HS3ST2: variants seen among roughly 807,000 people sequenced by gnomAD.
The protein encoded by HS3ST2 is heparan sulfate glucosamine 3-O-sulfotransferase 2.
In HS3ST2, 17 loss-of-function variants were observed where a neutral mutation model predicts 26.3. The observed-to-expected ratio is 0.65, with a 90% confidence interval of 0.44 to 0.97. The LOEUF (loss-of-function observed/expected upper bound fraction) is 0.97, where lower values mean the gene tolerates loss of function less well. HS3ST2 is among the 50% of genes least tolerant of loss of function. The probability of loss-of-function intolerance (pLI) is 0.00; values close to 1 mark genes in which losing one functional copy is unlikely to be tolerated. For missense variants in HS3ST2, 402 were observed against 501.2 expected (o/e 0.80, Z 1.89); for synonymous variants, 237 against 219.2 (o/e 1.08, Z -0.72).
At chr16:22,819,134 T>TCCCTCCTTCCTTCCTCCCTC (rs1900950165) in intron 1 of HS3ST2, among the ~76,000 whole-genome samples, 1 of 37,072 alleles carries the variant, frequency 2.7e-5, no homozygotes, top group Non-Finnish European at 5.0e-5. Flanking sequence ...CTTCCTTCAT[T>TCCCTCCTTCCTTCCTCCCTC]CCTTCCTTCC....
At chr16:22,912,854 C>G (rs1048091243) in intron 1 of HS3ST2, among the ~76,000 whole-genome samples, 1 of 151,894 alleles carries the variant, frequency 6.6e-6, no homozygotes, top group Non-Finnish European at 1.5e-5. Context: ...CACAGGTGGG[C>G]GTGTCTTGTG....
At chr16:22,847,690 T>C (rs1901457174) in intron 1 of HS3ST2, among the ~76,000 whole-genome samples, 1 of 151,052 alleles carries the variant, frequency 6.6e-6, no homozygotes, top group East Asian at 1.9e-4. Context: ...GCGAAGGGCA[T>C]ACATGATAAG....
chr16:22,915,376 C>A lies in HS3ST2; in HGVS notation c.918C>A (p.Asn306Lys). The A allele has an allele frequency of 1.2e-6, 2 of 1,613,988 alleles. No homozygotes were observed. The highest frequency in any genetic ancestry group is 8.5e-7 in the Non-Finnish European group (1 of 1,179,972). Residue 306 changes from asparagine (N) to lysine (K), a missense_variant, in exon 2 of 2, where the codon AAC becomes AAA. Asn to Lys is a moderately conservative substitution (Grantham distance 94). Around this residue, in one of 2 missense-constraint regions of HS3ST2, gnomAD observed 237 missense variants for 346.6 expected, o/e 0.68. Transcript: ENST00000261374. The stretch of plus-strand genomic sequence containing the variant: ...TCACGGACAAGCACTTCTATTTCAA[C>A]AAGACCAAAGGATTCCCTTGCTTGA... ...RFITDKHFYF[N>K]KTKGFPCLKK...
At position 22,851,897 on chromosome 16, in the gene HS3ST2, TG is replaced by T. The variant is rs1901523808; in HGVS notation, c.485+36806del. The stretch of plus-strand genomic sequence containing the variant: ...TGACCAGACATTTGAAATGTGCTTA[TG>T]GGGTTGTCCTTCTGCAGTCACCTAT... On this transcript the variant is annotated intron_variant, in intron 1 of 1. Coordinates refer to ENST00000261374, the MANE Select transcript of HS3ST2 (RefSeq NM_006043.2). Among the ~76,000 whole-genome samples the T allele has an allele frequency of 5.9e-5, 9 of 152,286 alleles. No homozygotes were observed. In the South Asian group the frequency reaches 1.9e-3, roughly 32 times the overall value.
At chr16:22,859,702 A>G (rs1901648747) in intron 1 of HS3ST2, among the ~76,000 whole-genome samples, 1 of 152,206 alleles carries the variant, frequency 6.6e-6, no homozygotes, top group African/African-American at 2.4e-5. Flanking sequence ...AAATTCCAGC[A>G]ATCTATAATC....
intron 1 of HS3ST2, among the ~76,000 whole-genome samples, chr16:22,848,915 C>A (rs1245235788): frequency 2.0e-5 from 3 of 152,186 alleles, no homozygotes; most frequent in Non-Finnish European, 4.4e-5. Flanking sequence ...GTTATACCCG[C>A]CTTACAATTA....
At chr16:22,866,135 G>T (rs1446050316) in intron 1 of HS3ST2, among the ~76,000 whole-genome samples, 1 of 152,102 alleles carries the variant, frequency 6.6e-6, no homozygotes, top group East Asian at 1.9e-4. Context: ...GTTCTGGAAG[G>T]TATAGCCAAT....
intron 1 of HS3ST2, among the ~76,000 whole-genome samples, chr16:22,889,278 A>G (rs1406890426): frequency 1.1e-4 from 16 of 152,228 alleles, no homozygotes; most frequent in Admixed American, 1.0e-3. Context: ...ATCAAAATCG[A>G]ACTTATTTGA....
chr16:22,905,783 A>G (rs1902343660), intron 1 of HS3ST2, among the ~76,000 whole-genome samples: 1 of 152,180 alleles, frequency 6.6e-6, no homozygotes. Flanking sequence ...TTAGGTAGTA[A>G]TGAGTGTGCC....
rs758544841 is a variant in HS3ST2, at chr16:22,915,413, T to G, written c.955T>G (p.Ser319Ala). The change falls in exon 2 of 2, where the codon TCG (serine) becomes GCG (alanine). Residue 319 changes from serine (S) to alanine (A), a missense_variant. This residue lies in a region of HS3ST2 where 237 missense variants were observed against 346.6 expected (regional missense o/e 0.68). Transcript: ENST00000261374. ...KGFPCLKKTE[S>A]SLLPRCLGKS... ...ATTCCCTTGCTTGAAAAAAACAGAA[T>G]CGAGCCTCCTGCCTCGATGCTTGGG... 8.7e-6 allele frequency: 14 copies of G among 1,613,944 alleles called. No homozygotes were observed. Among genetic ancestry groups the G allele is most frequent in the Non-Finnish European group, 1.2e-5 (14 of 1,179,970 alleles).
intron 1 of HS3ST2, among the ~76,000 whole-genome samples, chr16:22,890,316 T>C (rs1367854059): frequency 6.6e-6 from 1 of 152,232 alleles, no homozygotes; most frequent in South Asian, 2.1e-4. Flanking sequence ...TTTTTTTCTC[T>C]TTGAAACCAT....
intron 1 of HS3ST2, chr16:22,833,299 G>A (rs745675097): frequency 2.2e-6 from 1 of 456,092 alleles, no homozygotes; most frequent in South Asian, 1.5e-5. Context: ...TACCTGTGTG[G>A]TTGTCGGTGC....
At chr16:22,835,750 G>T (rs538364554) in intron 1 of HS3ST2, among the ~76,000 whole-genome samples, 1 of 152,206 alleles carries the variant, frequency 6.6e-6, no homozygotes, top group African/African-American at 2.4e-5. Context: ...TTTCAAAACG[G>T]CAGTTGTACA....
chr16:22,915,218 G>T lies in HS3ST2; in HGVS notation c.760G>T (p.Val254Leu). The T allele has an allele frequency of 1.2e-6, 2 of 1,614,074 alleles. No homozygotes were observed. Among genetic ancestry groups the T allele is most frequent in the East Asian group, 4.5e-5 (2 of 44,884 alleles). Reference protein sequence around the residue: ...SWNAIRIGMYVLHLESWLQYF... With the variant: ...SWNAIRIGMYLLHLESWLQYF... ...GAACGCCATCCGCATCGGCATGTAC[G>T]TGCTGCACCTGGAGAGCTGGCTGCA... The change falls in exon 2 of 2, where the codon GTG (valine) becomes TTG (leucine). Residue 254 changes from valine to leucine, a missense_variant. Around this residue, in one of 2 missense-constraint regions of HS3ST2, gnomAD observed 237 missense variants for 346.6 expected, o/e 0.68. Coordinates refer to ENST00000261374, the MANE Select transcript of HS3ST2 (RefSeq NM_006043.2).
intron 1 of HS3ST2, among the ~76,000 whole-genome samples, chr16:22,869,033 G>A (rs1024509520): frequency 1.3e-5 from 2 of 151,636 alleles, no homozygotes; most frequent in African/African-American, 4.9e-5. Context: ...AACAGCAGTG[G>A]GACCTACAAT....
chr16:22,855,364 A>G (rs909044237), intron 1 of HS3ST2, among the ~76,000 whole-genome samples: 1 of 152,090 alleles, frequency 6.6e-6, no homozygotes. Flanking sequence ...GCCACAGATA[A>G]TCCCAGCCCT....
chr16:22,914,846 G>A, intron 1 of HS3ST2, 98 bp from the exon 2 acceptor site: 1 of 1,223,692 alleles, frequency 8.2e-7, no homozygotes, highest in East Asian at 2.3e-5. Flanking sequence ...CCAGGAGGAG[G>A]ATGCAACAGG....
At chr16:22,825,810 G>A (rs1901076212) in intron 1 of HS3ST2, among the ~76,000 whole-genome samples, 1 of 152,198 alleles carries the variant, frequency 6.6e-6, no homozygotes, top group Non-Finnish European at 1.5e-5. Flanking sequence ...ATAACCTGAG[G>A]TCAGGAGTTC....
intron 1 of HS3ST2, among the ~76,000 whole-genome samples, chr16:22,897,273 C>T (rs1483693896): frequency 6.6e-6 from 1 of 152,188 alleles, no homozygotes; most frequent in East Asian, 1.9e-4. Context: ...CTCCACCAAA[C>T]CAGAGGCCCC....
Sources: allele counts gnomAD v4.1 joint callset (sites outside exome capture counted in the v4.1 genomes callset), GRCh38; gene constraint gnomAD v4.1.1; regional missense constraint gnomAD v4.1.1; transcripts MANE v1.5; gene names NCBI Gene and HGNC (gene_info 2026-07-23, HGNC 2026-07-21).